Variants in IPO9 observed in about 807,000 individuals in gnomAD.
IPO9 encodes importin-9.
IPO9 carries 28 observed loss-of-function variants against 128.6 expected under a neutral mutation model. The observed-to-expected ratio is 0.22, with a 90% CI of 0.16 to 0.30. The LOEUF is 0.30. IPO9 is among the 10% of genes least tolerant of loss of function. The pLI is 1.00. For synonymous variants in IPO9, 455 were observed against 475.8 expected, an observed-to-expected ratio of 0.96 and a Z score of 0.57; for missense variants, 935 against 1,293.9, an observed-to-expected ratio of 0.72 and a Z score of 4.26.
chr1:201,832,974 A>AT (rs1250867737), intron 1 of IPO9, among the ~76,000 whole-genome samples: 1 of 152,220 alleles, frequency 6.6e-6, no homozygotes, highest in Non-Finnish European at 1.5e-5. Context: ...TATAGATGAG[A>AT]TTTTAAGAAG....
rs2102897636 is a variant in IPO9 at position 201,883,097 on chromosome 1, C to T, written c.*7043C>T. 6.6e-6 allele frequency: 1 copy of T among 152,658 alleles called. No homozygotes were observed. The highest frequency in any genetic ancestry group is 6.5e-5 in the Admixed American group (1 of 15,284). 9.5% of individuals were successfully genotyped at this position (152,658 alleles called of 1,614,324 possible). A position where few individuals can be genotyped will look rare whatever the true frequency, so the allele number is the denominator to read the frequency against. On this transcript the variant is annotated 3_prime_UTR_variant, in exon 24 of 24. Transcript: ENST00000361565. ...GGTGGTAGGCCCAGCTCTTGCCTTC[C>T]ACCTACTAAGCAGTTTTTCTGTGGT...
At chr1:201,875,380 A>G (rs1023218314) in intron 23 of IPO9, 152 bp downstream of exon 23, 1 of 709,138 alleles carries the variant, frequency 1.4e-6, no homozygotes, top group Non-Finnish European at 2.5e-6. Context: ...GCTTAAGCCC[A>G]GGAGTTCAAG....
rs945782266 is a variant in IPO9, at chr1:201,883,495, G to A, written c.*7441G>A. 2 of 152,182 alleles carry A rather than the reference G, an allele frequency of 1.3e-5. No individual in the cohort carries two copies. The highest frequency in any genetic ancestry group is 4.8e-5 in the African/African-American group (2 of 41,420). 9.4% of individuals were successfully genotyped at this position (152,182 alleles called of 1,614,324 possible). ...GGAAAAGGCTGCATGGAGTCCCCAG[G>A]GATGCTGGGCCCTGGTCACCAAGGC... is the stretch of plus-strand genomic sequence containing the variant. On this transcript the variant is annotated 3_prime_UTR_variant, in exon 24 of 24. Transcript: ENST00000361565.
intron 1 of IPO9, among the ~76,000 whole-genome samples, chr1:201,843,266 A>G (rs992055427): frequency 3.9e-5 from 6 of 152,242 alleles, no homozygotes; most frequent in African/African-American, 9.6e-5. Context: ...CCATCAGTCC[A>G]TTAGGAATTC....
chr1:201,878,207 T>C lies in IPO9; in HGVS notation c.*2153T>C, dbSNP rs1680812162. On this transcript the variant is annotated 3_prime_UTR_variant, in exon 24 of 24. Transcript: ENST00000361565. ...GTGGGAGTTGCTGATACTGGGGAAA[T>C]GATGGCAGATCTGACCAAGTGGTGC... 1.3e-5 allele frequency: 2 copies of C among 152,274 alleles called. No individual in the cohort carries two copies. Among genetic ancestry groups the C allele is most frequent in the Non-Finnish European group, 2.9e-5 (2 of 68,126 alleles). The allele number at this position is 152,274 out of a possible 1,614,324, so 9.4% of individuals were successfully genotyped here.
chr1:201,858,667 C>G, intron 12 of IPO9, 114 bp downstream of exon 12: 1 of 823,426 alleles, frequency 1.2e-6, no homozygotes, highest in Non-Finnish European at 1.8e-6. Flanking sequence ...AATTTAATAA[C>G]AGATTTTAAT....
chr1:201,867,063 A>G, intron 15 of IPO9, 104 bp downstream of exon 15: 5 of 953,692 alleles, frequency 5.2e-6, no homozygotes, highest in East Asian at 2.5e-5. Context: ...CTATGAAGCT[A>G]TGGTTTTAAC....
In IPO9 at chr1:201,875,166, G is replaced by A. The variant is rs760435580; in HGVS notation, c.2953G>A (p.Glu985Lys). Reference protein sequence around the residue: ...ATSKYEEDYYEDDEEDDPDAL... With the variant: ...ATSKYEEDYYKDDEEDDPDAL... ...ATGTCTAACAGAGGAGGATTACTAC[G>A]AGGATGATGAGGAAGATGACCCTGA... The change falls in exon 23 of 24, where the codon GAG becomes AAG. Residue 985 changes from glutamate to lysine, a missense_variant. Physicochemically the swap from Glu to Lys is moderately conservative, Grantham distance 56. Around this residue, in one of 3 missense-constraint regions of IPO9, gnomAD observed 188 missense variants for 246.7 expected, o/e 0.76. Transcript: ENST00000361565. 8 of 1,614,134 alleles carry A rather than the reference G, an allele frequency of 5.0e-6. No homozygotes were observed. The highest frequency in any genetic ancestry group is 5.9e-6 in the Non-Finnish European group (7 of 1,179,978).
intron 1 of IPO9, among the ~76,000 whole-genome samples, chr1:201,843,619 A>G (rs936076000): frequency 3.9e-5 from 6 of 152,186 alleles, no homozygotes; most frequent in African/African-American, 1.2e-4. Flanking sequence ...CTTGAGGTCA[A>G]GAGTTCAAGA....
intron 10 of IPO9, 46 bp from the exon 11 acceptor site, chr1:201,857,050 T>G: frequency 8.9e-7 from 1 of 1,127,020 alleles, no homozygotes; most frequent in Non-Finnish European, 1.4e-6. Context: ...TGAAAAGCTA[T>G]GAATCAGATT....
chr1:201,863,711 A>G (rs1449794108), intron 14 of IPO9, 104 bp downstream of exon 14: 6 of 1,054,238 alleles, frequency 5.7e-6, no homozygotes, highest in Non-Finnish European at 8.1e-6. Flanking sequence ...ATCCCTGCTA[A>G]TGATATCCTT....
chr1:201,846,403 C>T (rs1242096062), intron 1 of IPO9, among the ~76,000 whole-genome samples: 6 of 152,196 alleles, frequency 3.9e-5, no homozygotes, highest in Non-Finnish European at 8.8e-5. Flanking sequence ...GACGGAGTCT[C>T]GCTCTGTAGC....
intron 1 of IPO9, among the ~76,000 whole-genome samples, chr1:201,844,450 T>C (rs1680091257): frequency 6.6e-6 from 1 of 151,970 alleles, no homozygotes; most frequent in Admixed American, 6.6e-5. Flanking sequence ...TAGAAGAAAC[T>C]AAGGAGACAT....
In IPO9 at chr1:201,871,104, A is replaced by G; in HGVS notation, c.2410-57A>G. ...TTATCTGACTGGCCAGTTCCCTCTC[A>G]TCTCCTATGTCTCTGAAATTGATTT... On this transcript the variant is annotated intron_variant, in intron 18 of 23. Coordinates refer to ENST00000361565, the MANE Select transcript of IPO9 (RefSeq NM_018085.5). The G allele has an allele frequency of 3.2e-6, 5 of 1,550,838 alleles. No individual in the cohort carries two copies. In the South Asian group the frequency reaches 4.6e-5, roughly 14 times the overall value.
At chr1:201,836,702 G>A (rs1679945652) in intron 1 of IPO9, among the ~76,000 whole-genome samples, 1 of 152,164 alleles carries the variant, frequency 6.6e-6, no homozygotes, top group African/African-American at 2.4e-5. Flanking sequence ...TAGGTATGTG[G>A]TCTAGACAGA....
chr1:201,854,973 A>G, intron 8 of IPO9, 50 bp downstream of exon 8: 2 of 1,472,632 alleles, frequency 1.4e-6, no homozygotes, highest in Non-Finnish European at 1.9e-6. Context: ...ATAGTTAGGA[A>G]TCTCGCACTG....
At chr1:201,844,583 A>G (rs74959380) in intron 1 of IPO9, among the ~76,000 whole-genome samples, 1 of 152,222 alleles carries the variant, frequency 6.6e-6, no homozygotes, top group Non-Finnish European at 1.5e-5. Flanking sequence ...CTGATTTTTG[A>G]TCACTGAACC....
chr1:201,873,470 A>T (rs932293316), intron 20 of IPO9, among the ~76,000 whole-genome samples: 1 of 137,680 alleles, frequency 7.3e-6, no homozygotes, highest in African/African-American at 2.7e-5. Context: ...AAAAAAATGC[A>T]GGCGTGGTGG....
At chr1:201,873,444 CAAAAAAAAAA>C (rs571580169) in intron 20 of IPO9, among the ~76,000 whole-genome samples, 1 of 58,230 alleles carries the variant, frequency 1.7e-5, no homozygotes, top group African/African-American at 7.6e-5. Flanking sequence ...GACTCCGTCT[CAAAAAAAAAA>C]AAAAAAAAAA....
Sources: gnomAD v4.1 joint callset for allele counts (sites outside exome capture counted in the v4.1 genomes callset) on GRCh38, gnomAD v4.1.1 for gene constraint, gnomAD v4.1.1 regional missense constraint, MANE v1.5 for transcripts, NCBI Gene and HGNC (gene_info 2026-07-23, HGNC 2026-07-21) for gene names.